Variants in TPX2 observed in about 807,000 individuals in gnomAD.
TPX2 encodes the protein TPX2 microtubule nucleation factor.
Under a neutral mutation model 93.6 loss-of-function variants are expected in TPX2, and 21 were observed. The observed-to-expected ratio is 0.22, with a 90% CI of 0.16 to 0.32. The LOEUF (loss-of-function observed/expected upper bound fraction) is 0.32, where lower values mean the gene tolerates loss of function less well. Among genes scored for constraint, TPX2 ranks in the 10% least tolerant of loss-of-function variants. The probability of loss-of-function intolerance (pLI) is 1.00; values close to 1 mark genes in which losing one functional copy is unlikely to be tolerated. For missense variants in TPX2, 776 were observed against 871.1 expected, an observed-to-expected ratio of 0.89 and a Z score of 1.37; for synonymous variants, 281 against 298.3, an observed-to-expected ratio of 0.94 and a Z score of 0.60.
At chr20:31,766,475 G>T (rs2061926562) in intron 4 of TPX2, 81 bp from the exon 5 acceptor site, 1 of 1,243,716 alleles carries the variant, frequency 8.0e-7, no homozygotes, top group African/African-American at 1.5e-5. Context: ...GTGTGTGTGT[G>T]TGTGTGTGTG....
intron 2 of TPX2, among the ~76,000 whole-genome samples, chr20:31,748,831 T>C (rs999085468): frequency 5.3e-5 from 8 of 152,236 alleles, no homozygotes; most frequent in Non-Finnish European, 1.0e-4. Context: ...TAATGCAGTT[T>C]AAACGAGATG....
rs367775467 is a variant in TPX2, at chr20:31,771,741, A to G, written c.608+59A>G. 706 of 1,555,680 alleles carry G rather than the reference A, an allele frequency of 4.5e-4. 3 individuals carry two copies. The African/African-American group carries it at 7.9e-3, about 18-fold the overall frequency. ...GAATGGTATAAAATTACAGATTTAC[A>G]TCTACAACCTGTTTGGTGTACCTGG... On this transcript the variant is annotated intron_variant, in intron 7 of 17. Coordinates refer to ENST00000300403, the MANE Select transcript of TPX2 (RefSeq NM_012112.5).
At chr20:31,748,946 AT>A (rs11482521) in intron 2 of TPX2, among the ~76,000 whole-genome samples, 1,749 of 141,320 alleles carry the variant, frequency 0.012, 18 homozygotes, top group African/African-American at 0.033. Context: ...TTAAATGTGA[AT>A]TTTTTTTTTT....
At chr20:31,762,403 G>A (rs1275809764) in intron 4 of TPX2, among the ~76,000 whole-genome samples, 1 of 152,104 alleles carries the variant, frequency 6.6e-6, no homozygotes, top group African/African-American at 2.4e-5. Context: ...AGGCTGGAGT[G>A]CAGTAGTACG....
rs368681548 is a variant in TPX2 at position 31,792,791 on chromosome 20, A to G, written c.1470A>G (p.Ala490=). ...PITVPKSPAF[A]LKNRIRMPTK... ...CCGTCCCCAAGTCACCAGCCTTTGC[A>G]TTGAAGAACAGAATTCGAATGCCCA... Residue 490 remains alanine (A), a synonymous_variant, in exon 13 of 18, where the codon GCA becomes GCG. Coordinates refer to ENST00000300403, the MANE Select transcript of TPX2 (RefSeq NM_012112.5). 38 of 1,614,118 alleles carry G rather than the reference A, an allele frequency of 2.4e-5. No homozygotes were observed. Among genetic ancestry groups the G allele is most frequent in the Non-Finnish European group, 3.0e-5 (35 of 1,180,048 alleles).
At position 31,777,567 on chromosome 20, in the gene TPX2, C is replaced by T; in HGVS notation, c.811C>T (p.His271Tyr). The T allele has an allele frequency of 6.2e-7, 1 of 1,614,178 alleles. No homozygotes were observed. The highest frequency in any genetic ancestry group is 8.5e-7 in the Non-Finnish European group (1 of 1,180,026). Reference sequence around the variant, plus strand: ...CCGCACAGATGAGCGAATCAAACAACATCCTAAGAACCAGGAGGAATATAA... The same window carrying T: ...CCGCACAGATGAGCGAATCAAACAATATCCTAAGAACCAGGAGGAATATAA... ...HFRTDERIKQHPKNQEEYKEV... is the reference protein window; with the variant it reads ...HFRTDERIKQYPKNQEEYKEV... Residue 271 changes from histidine (H) to tyrosine (Y), a missense_variant, in exon 9 of 18, where the codon CAT (histidine) becomes TAT (tyrosine). His to Tyr is a moderately conservative substitution (Grantham distance 83). Transcript: ENST00000300403.
intron 9 of TPX2, among the ~76,000 whole-genome samples, chr20:31,778,049 A>T (rs1278820568): frequency 6.6e-6 from 1 of 152,176 alleles, no homozygotes; most frequent in East Asian, 1.9e-4. Context: ...TGCTGGGATT[A>T]CAAGTGTGAG....
intron 2 of TPX2, among the ~76,000 whole-genome samples, chr20:31,748,661 A>G (rs1479531056): frequency 6.6e-6 from 1 of 152,190 alleles, no homozygotes; most frequent in Non-Finnish European, 1.5e-5. Flanking sequence ...GAGACCCCAG[A>G]TTTTGGAATC....
chr20:31,749,026 A>C (rs1600353306), intron 2 of TPX2, among the ~76,000 whole-genome samples: 1 of 151,188 alleles, frequency 6.6e-6, no homozygotes, highest in African/African-American at 2.4e-5. Context: ...GCTCACTGCA[A>C]CCTCCGCCTC....
Position 31,793,944 on chromosome 20 carries a change from T to C in TPX2, c.1606T>C (p.Cys536Arg), listed in dbSNP as rs910715056. 12 of 1,613,954 alleles carry C rather than the reference T, an allele frequency of 7.4e-6. 1 individual carries two copies. Among genetic ancestry groups the C allele is most frequent in the Middle Eastern group, 1.6e-4 (1 of 6,084 alleles). Reference protein sequence around the residue: ...QIPEARTVEICPFSFDSRDKE... With the variant: ...QIPEARTVEIRPFSFDSRDKE... The stretch of plus-strand genomic sequence containing the variant: ...CCCAGAGGCAAGAACTGTGGAAATA[T>C]GCCCTTTCTCGTTTGATTCTCGAGA... Residue 536 changes from cysteine to arginine, a missense_variant, in exon 14 of 18, where the codon TGC becomes CGC. Physicochemically the swap from Cys to Arg is radical, Grantham distance 180. Around this residue, in one of 3 missense-constraint regions of TPX2, gnomAD observed 461 missense variants for 551.2 expected, o/e 0.84. Transcript: ENST00000300403.
At chr20:31,779,685 C>T (rs1435434094) in intron 10 of TPX2, among the ~76,000 whole-genome samples, 1 of 152,024 alleles carries the variant, frequency 6.6e-6, no homozygotes, top group Non-Finnish European at 1.5e-5. Context: ...GAAGTCTCGT[C>T]AGAGATAAAG....
intron 14 of TPX2, 45 bp from the exon 15 acceptor site, chr20:31,794,357 T>C (rs1374426789): frequency 1.3e-6 from 2 of 1,595,418 alleles, no homozygotes; most frequent in Admixed American, 1.8e-5. Flanking sequence ...GCTATTGCTT[T>C]CCAGCTAGTC....
chr20:31,767,082 G>A (rs1280892040), intron 5 of TPX2, among the ~76,000 whole-genome samples: 4 of 152,010 alleles, frequency 2.6e-5, no homozygotes, highest in Non-Finnish European at 5.9e-5. Flanking sequence ...GATTACAGGC[G>A]TGAGCTACTG....
rs745736630 is a variant in TPX2 at position 31,798,438 on chromosome 20, G to T, written c.2019G>T (p.Glu673Asp). The T allele has an allele frequency of 6.2e-7, 1 of 1,614,098 alleles. No homozygotes were observed. Among genetic ancestry groups the T allele is most frequent in the South Asian group, 1.1e-5 (1 of 91,076 alleles). ...AGAAGAGAGCCAAAGAGCGGCAGGA[G>T]CTGGAGAAGAGAATGGCTGAGGTAG... ...ATEKRAKERQELEKRMAEVEA... is the reference protein window; with the variant it reads ...ATEKRAKERQDLEKRMAEVEA... The change falls in exon 17 of 18, where the codon GAG becomes GAT. Residue 673 changes from glutamate to aspartate, a missense_variant. Physicochemically the swap from Glu to Asp is conservative, Grantham distance 45. Transcript: ENST00000300403.
chr20:31,778,771 T>C, intron 9 of TPX2, 42 bp from the exon 10 acceptor site: 1 of 1,512,404 alleles, frequency 6.6e-7, no homozygotes, highest in Admixed American at 2.3e-5. Flanking sequence ...ATGTGAGCTC[T>C]TCCGTGACAT....
chr20:31,755,529 C>T (rs1308109321), intron 2 of TPX2, among the ~76,000 whole-genome samples: 5 of 150,962 alleles, frequency 3.3e-5, no homozygotes, highest in African/African-American at 9.7e-5. Flanking sequence ...CTTGGGAGGC[C>T]GAGGTGGGTG....
intron 2 of TPX2, among the ~76,000 whole-genome samples, chr20:31,753,753 C>T (rs981610755): frequency 6.6e-6 from 1 of 152,082 alleles, no homozygotes. Context: ...TGGCCGGGTG[C>T]GGTTGCTCAT....
chr20:31,789,431 A>G (rs1169795622), intron 12 of TPX2, among the ~76,000 whole-genome samples: 3 of 152,192 alleles, frequency 2.0e-5, no homozygotes, highest in African/African-American at 7.2e-5. Context: ...CAAAGCTTTC[A>G]TAGTCTGGTA....
chr20:31,750,755 C>T (rs574293058), intron 2 of TPX2, among the ~76,000 whole-genome samples: 12 of 152,084 alleles, frequency 7.9e-5, no homozygotes, highest in African/African-American at 2.9e-4. Context: ...TTATAGGCCA[C>T]GTAAATGGGA....
Sources: gnomAD v4.1 joint callset for allele counts (sites outside exome capture counted in the v4.1 genomes callset) on GRCh38, gnomAD v4.1.1 for gene constraint, gnomAD v4.1.1 regional missense constraint, MANE v1.5 for transcripts, NCBI Gene and HGNC (gene_info 2026-07-23, HGNC 2026-07-21) for gene names.